PUDP: variants seen among roughly 807,000 people sequenced by gnomAD.
PUDP encodes pseudouridine 5'-phosphatase, also known as pseudouridine-5'-phosphatase.
Under a neutral mutation model 9.4 loss-of-function variants are expected in PUDP, and 8 were observed. That is an observed-to-expected ratio of 0.85 (90% CI 0.50 to 1.53). The LOEUF is 1.53. Among genes scored for constraint, PUDP ranks in the 40% most tolerant of loss-of-function variants. The pLI, the probability that PUDP is intolerant of heterozygous loss-of-function variation, is 0.00. For missense variants in PUDP, 188 were observed against 189.7 expected (o/e 0.99, Z 0.05); for synonymous variants, 99 against 80.7 (o/e 1.23, Z -1.22).
rs1930062307 is a variant in PUDP at position 7,050,329 on chromosome X, C to G, written c.654G>C (p.Gln218His). 1 of 1,209,765 alleles carries G rather than the reference C, an allele frequency of 8.3e-7. No individual in the cohort carries two copies. The highest frequency in any genetic ancestry group is 2.2e-5 in the Admixed American group (1 of 45,744). The change falls in exon 4 of 4, where the codon CAG (glutamine) becomes CAC (histidine). Residue 218 changes from glutamine to histidine, a missense_variant. Coordinates refer to ENST00000381077, the MANE Select transcript of PUDP (RefSeq NM_012080.5). ...TLVLNSLQDFQPELFGLPSYE is the reference protein window; with the variant it reads ...TLVLNSLQDFHPELFGLPSYE ...AGGAGGGCAAACCAAACAGCTCGGG[C>G]TGGAAGTCCTGCAGGGAATTCAGCA...
At chrX:6,707,144 G>A (rs775323834) in intron 1 of PUDP, among the ~76,000 whole-genome samples, 5 of 111,541 alleles carry the variant, frequency 4.5e-5, no homozygotes, top group Non-Finnish European at 9.4e-5. Flanking sequence ...ACCCAAGAAA[G>A]TAGAGGAAAT....
At chrX:6,887,402 T>TA (rs1392838564) in intron 3 of PUDP, among the ~76,000 whole-genome samples, 18 of 109,974 alleles carry the variant, frequency 1.6e-4, no homozygotes, top group Non-Finnish European at 2.5e-4. Flanking sequence ...TCATGGTAAA[T>TA]TAAGATGTAG....
intron 1 of PUDP, among the ~76,000 whole-genome samples, chrX:7,112,190 G>C (rs1445745899): frequency 9.0e-6 from 1 of 111,649 alleles, no homozygotes; most frequent in Non-Finnish European, 1.9e-5. Context: ...CTAGCATGAG[G>C]TGGTTTTAAT....
chrX:6,925,803 A>C (rs1319400229), intron 3 of PUDP, among the ~76,000 whole-genome samples: 2 of 111,832 alleles, frequency 1.8e-5, no homozygotes, highest in African/African-American at 3.3e-5. Flanking sequence ...TGGGTAAAGC[A>C]GTAAGGCTCT....
intron 3 of PUDP, among the ~76,000 whole-genome samples, chrX:6,842,050 C>A (rs1032693619): frequency 6.3e-5 from 7 of 111,457 alleles, no homozygotes; most frequent in Non-Finnish European, 1.1e-4. Context: ...CAAGCTTCTT[C>A]AATGAAAGAA....
chrX:7,107,171 C>A lies in PUDP; in HGVS notation c.62-1333G>T, dbSNP rs1377811822. On this transcript the variant is annotated intron_variant, in intron 1 of 3. Coordinates refer to ENST00000381077, the MANE Select transcript of PUDP (RefSeq NM_012080.5). ...TAGATTTAGCACTGAAACCTTCCCACAGGGTGTGGAGCAGCATTAGCAGGA... is the reference window on the plus strand; with the variant it reads ...TAGATTTAGCACTGAAACCTTCCCAAAGGGTGTGGAGCAGCATTAGCAGGA... 8.9e-5 allele frequency among the ~76,000 whole-genome samples: 10 copies of A among 112,522 alleles called. 1 individual carries two copies. Among genetic ancestry groups the A allele is most frequent in the African/African-American group, 2.9e-4 (9 of 30,953 alleles).
rs1183710865 is a variant in PUDP, at chrX:6,961,384, TA to T, written c.*247+15748del. Among the ~76,000 whole-genome samples, 12 of 108,253 alleles carry T rather than the reference TA, an allele frequency of 1.1e-4. No homozygotes were observed. In the East Asian group the frequency reaches 2.0e-3, roughly 18 times the overall value. 94.0% of individuals were successfully genotyped at this position (108,253 alleles called of 115,157 possible). A position where few individuals can be genotyped will look rare whatever the true frequency, so the allele number is the denominator to read the frequency against. ...CTAGGCAACAGAGTGAGACCCTGTC[TA>T]AAAAAAAATAAAAAATAAAAAAGAC... On this transcript the variant is annotated intron_variant and NMD_transcript_variant, in intron 3 of 3. Transcript: ENST00000655425.
At chrX:6,834,435 C>T (rs769450810) in intron 3 of PUDP, among the ~76,000 whole-genome samples, 1 of 111,166 alleles carries the variant, frequency 9.0e-6, no homozygotes, top group South Asian at 3.9e-4. Flanking sequence ...TTTTGCCTAG[C>T]CTCTGGTTTG....
intron 1 of PUDP, among the ~76,000 whole-genome samples, chrX:7,145,618 G>A (rs772052303): frequency 1.5e-3 from 165 of 108,285 alleles, no homozygotes; most frequent in African/African-American, 5.2e-3. Flanking sequence ...TTTTTTTAAA[G>A]GACAACTAAC....
At chrX:6,895,271 T>G (rs1927572932) in intron 3 of PUDP, among the ~76,000 whole-genome samples, 2 of 107,232 alleles carry the variant, frequency 1.9e-5, no homozygotes, top group Admixed American at 2.1e-4. Flanking sequence ...TGTATGTAAT[T>G]ACTATATATT....
At chrX:6,858,347 T>TTG (rs1289771239) in intron 3 of PUDP, among the ~76,000 whole-genome samples, 2 of 103,315 alleles carry the variant, frequency 1.9e-5, no homozygotes, top group Non-Finnish European at 4.0e-5. Flanking sequence ...TTTTTTTTTT[T>TTG]GATACAGGGT....
chrX:6,903,953 T>TATA (rs200988870), intron 3 of PUDP, among the ~76,000 whole-genome samples: 1 of 79,158 alleles, frequency 1.3e-5, no homozygotes, highest in African/African-American at 4.2e-5. Flanking sequence ...TATATATATA[T>TATA]TTATTTTTTT....
intron 3 of PUDP, among the ~76,000 whole-genome samples, chrX:6,891,452 C>G (rs915157471): frequency 8.9e-6 from 1 of 112,034 alleles, no homozygotes; most frequent in Non-Finnish European, 1.9e-5. Context: ...CTTCCCCTTT[C>G]TTTCCATTCT....
chrX:6,747,428 C>T (rs1485968333), intron 3 of PUDP, among the ~76,000 whole-genome samples: 2 of 112,172 alleles, frequency 1.8e-5, no homozygotes, highest in Admixed American at 1.9e-4. Context: ...GATAGACATT[C>T]CTCTGTTGCT....
intron 1 of PUDP, among the ~76,000 whole-genome samples, chrX:6,718,055 T>G (rs1304037534): frequency 9.0e-6 from 1 of 111,680 alleles, no homozygotes; most frequent in Non-Finnish European, 1.9e-5. Context: ...TTTTTTTTTC[T>G]TGTTGAGTTA....
chrX:7,026,856 T>C (rs1470795789), intron 1 of PUDP, among the ~76,000 whole-genome samples: 5 of 111,462 alleles, frequency 4.5e-5, no homozygotes, highest in Non-Finnish European at 7.5e-5. Context: ...GTCAGTAGCA[T>C]CAAGGTTGGG....
At chrX:6,855,639 C>G (rs914252105) in intron 3 of PUDP, among the ~76,000 whole-genome samples, 1 of 111,810 alleles carries the variant, frequency 8.9e-6, no homozygotes, top group African/African-American at 3.2e-5. Context: ...AAAATGTAGT[C>G]GGGGGAACAA....
chrX:6,870,537 A>G (rs1285719273), intron 3 of PUDP, among the ~76,000 whole-genome samples: 1 of 111,896 alleles, frequency 8.9e-6, no homozygotes, highest in African/African-American at 3.2e-5. Flanking sequence ...GTGAGGCCTC[A>G]CCAGCCACAT....
intron 3 of PUDP, among the ~76,000 whole-genome samples, chrX:6,900,138 C>G (rs1927653017): frequency 9.0e-6 from 1 of 110,919 alleles, no homozygotes; most frequent in Admixed American, 9.6e-5. Flanking sequence ...CACTTGACCC[C>G]AGGAGTTTGA....
Sources: allele counts gnomAD v4.1 joint callset (sites outside exome capture counted in the v4.1 genomes callset), GRCh38; gene constraint gnomAD v4.1.1; transcripts MANE v1.5; gene names NCBI Gene and HGNC (gene_info 2026-07-23, HGNC 2026-07-21).